The following KYNU variants were observed in gnomAD, a reference collection of about 807,000 sequenced individuals.
The protein encoded by KYNU is kynureninase, also known as L-kynurenine hydrolase.
A neutral mutation model predicts 59.2 loss-of-function variants in KYNU; 54 were observed. The observed-to-expected ratio is 0.91, with a 90% confidence interval of 0.73 to 1.14. The LOEUF (loss-of-function observed/expected upper bound fraction) is 1.14. Among genes scored for constraint, KYNU ranks in the 50% most tolerant of loss-of-function variants. The pLI, the probability that KYNU is intolerant of heterozygous loss-of-function variation, is 0.00. For synonymous variants in KYNU, 177 were observed against 192.0 expected (o/e 0.92, Z 0.65); for missense variants, 567 against 554.4 (o/e 1.02, Z -0.23).
At chr2:142,996,125 A>C (rs1685536367) in intron 10 of KYNU, among the ~76,000 whole-genome samples, 1 of 152,040 alleles carries the variant, frequency 6.6e-6, no homozygotes. Flanking sequence ...GCCGTGCCCA[A>C]ATCCTACCAA....
intron 4 of KYNU, among the ~76,000 whole-genome samples, chr2:142,929,666 G>A (rs925285329): frequency 6.6e-6 from 1 of 152,118 alleles, no homozygotes; most frequent in Admixed American, 6.6e-5. Flanking sequence ...CGCACAGGTG[G>A]GAAGTGTAGT....
intron 2 of KYNU, among the ~76,000 whole-genome samples, chr2:142,900,422 G>A (rs1198479904): frequency 3.3e-5 from 5 of 152,178 alleles, no homozygotes; most frequent in African/African-American, 4.8e-5. Context: ...GACCCAAAGA[G>A]GGTAGCCATT....
At chr2:142,881,382 A>C (rs919389845) in intron 1 of KYNU, 3 of 152,242 alleles carry the variant, frequency 2.0e-5, no homozygotes, top group African/African-American at 7.2e-5. Flanking sequence ...GACCATCGAC[A>C]GTTGAGAAAA....
intron 2 of KYNU, among the ~76,000 whole-genome samples, chr2:142,906,282 C>T (rs1682294567): frequency 6.6e-6 from 1 of 152,194 alleles, no homozygotes; most frequent in Admixed American, 6.5e-5. Flanking sequence ...AGTACTAGGT[C>T]ATCAGTTCTA....
chr2:142,961,118 G>A (rs891076958), intron 8 of KYNU, among the ~76,000 whole-genome samples: 2 of 151,624 alleles, frequency 1.3e-5, no homozygotes, highest in Non-Finnish European at 2.9e-5. Context: ...ACTTGAACTC[G>A]GGCGGTGGAG....
chr2:142,915,052 C>A (rs991090745), intron 2 of KYNU, among the ~76,000 whole-genome samples: 3 of 152,308 alleles, frequency 2.0e-5, no homozygotes, highest in Non-Finnish European at 2.9e-5. Context: ...AAAATAATTT[C>A]TTAATAACTC....
rs1286482913 is a variant in KYNU at position 143,033,125 on chromosome 2, A to G, written c.956-111A>G. ...TTATCTTAAATATCTCAGAAATCCT[A>G]CTTAGGAAGAAAAGTTTAAGTCTTG... On this transcript the variant is annotated intron_variant, in intron 11 of 13. Transcript: ENST00000264170. 8 of 806,062 alleles carry G rather than the reference A, an allele frequency of 9.9e-6. No homozygotes were observed. The African/African-American group carries it at 1.4e-4, about 14-fold the overall frequency. 49.9% of individuals were successfully genotyped at this position (806,062 alleles called of 1,614,324 possible).
At chr2:142,989,927 C>G (rs1685347020) in intron 10 of KYNU, 1 of 151,662 alleles carries the variant, frequency 6.6e-6, no homozygotes. Context: ...GCATCTGTAC[C>G]AAGAGATTTC....
At chr2:142,937,201 G>A (rs1573811544) in intron 4 of KYNU, among the ~76,000 whole-genome samples, 2 of 152,100 alleles carry the variant, frequency 1.3e-5, no homozygotes, top group South Asian at 4.2e-4. Context: ...GGTGTACCCT[G>A]CTGATATATG....
intron 4 of KYNU, among the ~76,000 whole-genome samples, chr2:142,934,345 G>A (rs1397096722): frequency 2.0e-5 from 3 of 152,120 alleles, no homozygotes; most frequent in Non-Finnish European, 4.4e-5. Flanking sequence ...AAAGTTGCAT[G>A]TTTTAAGGTG....
rs766921337 is a variant in KYNU, at chr2:143,042,154, T to C, written c.1380T>C (p.Ser460=). 58 of 1,609,714 alleles carry C rather than the reference T, an allele frequency of 3.6e-5. No homozygotes were observed. Among genetic ancestry groups the C allele is most frequent in the Middle Eastern group, 2.0e-4 (1 of 4,890 alleles). ...FTNLLTSILD[S]AETKN is the part of the protein sequence containing the mutation. ...ATCTGCTCACTTCTATACTTGACTC[T>C]GCAGAAACAAAAAATTAGCAGTGTT... Residue 460 remains serine, a synonymous_variant, in exon 14 of 14, where the codon TCT becomes TCC. Coordinates refer to ENST00000264170, the MANE Select transcript of KYNU (RefSeq NM_003937.3).
At chr2:143,032,973 A>T (rs770795627) in intron 11 of KYNU, among the ~76,000 whole-genome samples, 9 of 152,086 alleles carry the variant, frequency 5.9e-5, no homozygotes, top group Non-Finnish European at 1.2e-4. Flanking sequence ...ATCCAGAAAA[A>T]CTTCCAGAAG....
chr2:142,973,518 A>G (rs1684797959), intron 8 of KYNU, among the ~76,000 whole-genome samples: 1 of 152,166 alleles, frequency 6.6e-6, no homozygotes, highest in South Asian at 2.1e-4. Flanking sequence ...GCTCCCAGCA[A>G]TGATGGCTGC....
At chr2:142,967,479 A>G (rs142942922) in intron 8 of KYNU, 11 of 152,304 alleles carry the variant, frequency 7.2e-5, no homozygotes, top group Non-Finnish European at 1.2e-4. Flanking sequence ...AAATTATTAA[A>G]AAATAATAAT....
At position 143,049,884 on chromosome 2, in the gene KYNU, G is replaced by A. The variant is rs528573453; in HGVS notation, c.*7712G>A. 6.6e-6 allele frequency: 1 copy of A among 152,046 alleles called. No individual in the cohort carries two copies. The allele number at this position is 152,046 out of a possible 1,614,324, so 9.4% of individuals were successfully genotyped here. On this transcript the variant is annotated 3_prime_UTR_variant, in exon 14 of 14. Transcript: ENST00000264170. Reference sequence around the variant, plus strand: ...ACCTTTTGAATTCTTTGAAAACTGAGTTAAGTCTGATTTTCCAGAGTTTTT... The same window carrying A: ...ACCTTTTGAATTCTTTGAAAACTGAATTAAGTCTGATTTTCCAGAGTTTTT...
chr2:143,021,315 GT>G (rs1484768211), intron 10 of KYNU, among the ~76,000 whole-genome samples: 1 of 151,894 alleles, frequency 6.6e-6, no homozygotes, highest in Non-Finnish European at 1.5e-5. Context: ...GTTATATATT[GT>G]TTTTTAGAGA....
intron 13 of KYNU, among the ~76,000 whole-genome samples, chr2:143,041,603 A>G (rs1049647103): frequency 1.3e-5 from 2 of 152,000 alleles, no homozygotes; most frequent in Non-Finnish European, 2.9e-5. Context: ...AGGACCTACA[A>G]TGTAGCCCAC....
At chr2:142,977,352 C>G (rs1483568628) in intron 8 of KYNU, among the ~76,000 whole-genome samples, 1 of 96,346 alleles carries the variant, frequency 1.0e-5, no homozygotes, top group Non-Finnish European at 2.2e-5. Flanking sequence ...TGGCTAGCTT[C>G]CTGGATGGAA....
At chr2:142,958,475 C>T (rs931999572) in intron 7 of KYNU, among the ~76,000 whole-genome samples, 5 of 152,194 alleles carry the variant, frequency 3.3e-5, no homozygotes, top group African/African-American at 1.2e-4. Flanking sequence ...ACATAAGATG[C>T]TCCCAGACCG....
Sources: allele counts gnomAD v4.1 joint callset (sites outside exome capture counted in the v4.1 genomes callset), GRCh38; gene constraint gnomAD v4.1.1; transcripts MANE v1.5; gene names NCBI Gene and HGNC (gene_info 2026-07-23, HGNC 2026-07-21).